The following PRKCA variants were observed in gnomAD, a reference collection of about 807,000 sequenced individuals.
The protein encoded by PRKCA is protein kinase C alpha, also known as protein kinase C alpha type.
Under a neutral mutation model 87.0 loss-of-function variants are expected in PRKCA, and 27 were observed. The ratio of observed to expected loss-of-function variants is 0.31; its 90% CI spans 0.23 to 0.43. PRKCA has a LOEUF of 0.43. Among genes scored for constraint, PRKCA ranks in the 20% least tolerant of loss-of-function variants. The pLI, the probability that PRKCA is intolerant of heterozygous loss-of-function variation, is 1.00. For missense variants in PRKCA, 518 were observed against 852.3 expected, an observed-to-expected ratio of 0.61 and a Z score of 4.88; for synonymous variants, 329 against 311.1, an observed-to-expected ratio of 1.06 and a Z score of -0.61.
chr17:66,514,843 A>G (rs1966914128), intron 3 of PRKCA, among the ~76,000 whole-genome samples: 1 of 152,078 alleles, frequency 6.6e-6, no homozygotes, highest in South Asian at 2.1e-4. Flanking sequence ...CCAGAACCAT[A>G]TCATGTAGCC....
intron 15 of PRKCA, among the ~76,000 whole-genome samples, chr17:66,787,785 A>C (rs979956499): frequency 6.6e-6 from 1 of 151,990 alleles, no homozygotes; most frequent in Non-Finnish European, 1.5e-5. Flanking sequence ...ACTCTGCACA[A>C]ACTGAACCTT....
chr17:66,587,871 G>GTA (rs1969663097), intron 3 of PRKCA, among the ~76,000 whole-genome samples: 9 of 36,942 alleles, frequency 2.4e-4, no homozygotes, highest in Non-Finnish European at 5.4e-4. Context: ...ACATATGTAT[G>GTA]TGTGTGTGTG....
rs773393300 is a variant in PRKCA, at chr17:66,742,779, G to A, written c.1524+19G>A. Reference sequence around the variant, plus strand: ...CCCAGAGGTAGGAACCCCAGTGATCGTTTTCTCAACCAGGACTCCCAAACT... The same window carrying A: ...CCCAGAGGTAGGAACCCCAGTGATCATTTTCTCAACCAGGACTCCCAAACT... On this transcript the variant is annotated intron_variant, in intron 13 of 16. Transcript: ENST00000413366. 32 of 1,610,624 alleles carry A rather than the reference G, an allele frequency of 2.0e-5. No homozygotes were observed. Among genetic ancestry groups the A allele is most frequent in the East Asian group, 4.5e-5 (2 of 44,882 alleles).
intron 2 of PRKCA, among the ~76,000 whole-genome samples, chr17:66,323,119 T>G (rs1054713801): frequency 3.3e-5 from 5 of 152,338 alleles, no homozygotes; most frequent in African/African-American, 1.2e-4. Context: ...TTTTAAATGA[T>G]CACTTCCTCC....
chr17:66,482,177 A>G (rs540092033), intron 2 of PRKCA, among the ~76,000 whole-genome samples: 3 of 152,204 alleles, frequency 2.0e-5, no homozygotes, highest in African/African-American at 7.2e-5. Flanking sequence ...AAAGACTAGA[A>G]GGATACATGT....
intron 5 of PRKCA, among the ~76,000 whole-genome samples, chr17:66,680,769 G>GT (rs1972468102): frequency 6.6e-6 from 1 of 152,010 alleles, no homozygotes; most frequent in Non-Finnish European, 1.5e-5. Flanking sequence ...CACCCTCAGA[G>GT]TGAAATTAAA....
intron 8 of PRKCA, among the ~76,000 whole-genome samples, chr17:66,695,228 G>A (rs1015770538): frequency 1.5e-4 from 23 of 152,296 alleles, no homozygotes. Context: ...AGCCAGAAGG[G>A]CAAATAACCC....
intron 5 of PRKCA, among the ~76,000 whole-genome samples, chr17:66,653,367 G>A (rs1403660782): frequency 6.6e-6 from 1 of 152,144 alleles, no homozygotes. Context: ...GCTGAGGCAG[G>A]AGGATCTCTT....
In PRKCA at chr17:66,645,490, G is replaced by T; in HGVS notation, c.508G>T (p.Asp170Tyr). 1 of 1,614,200 alleles carries T rather than the reference G, an allele frequency of 6.2e-7. No homozygotes were observed. The highest frequency in any genetic ancestry group is 8.5e-7 in the Non-Finnish European group (1 of 1,180,040). The change falls in exon 5 of 17, where the codon GAT becomes TAT. Residue 170 changes from aspartate (D) to tyrosine (Y), a missense_variant. Coordinates refer to ENST00000413366, the MANE Select transcript of PRKCA (RefSeq NM_002737.3). ...GATTTACCTAAAGGCTGAGGTTGCTGATGAAAAGCTCCATGTCACAGGTAA... is the reference window on the plus strand; with the variant it reads ...GATTTACCTAAAGGCTGAGGTTGCTTATGAAAAGCTCCATGTCACAGGTAA... The part of the protein sequence containing the change: ...GRIYLKAEVA[D>Y]EKLHVTVRDA...
intron 3 of PRKCA, among the ~76,000 whole-genome samples, chr17:66,506,456 T>TGAAG (rs1226376629): frequency 1.3e-5 from 2 of 152,162 alleles, no homozygotes; most frequent in Admixed American, 6.5e-5. Context: ...GCCGAGTGCC[T>TGAAG]GATACAGGGC....
intron 2 of PRKCA, among the ~76,000 whole-genome samples, chr17:66,384,280 T>G (rs1031488312): frequency 1.3e-4 from 20 of 152,194 alleles, no homozygotes; most frequent in Non-Finnish European, 2.4e-4. Context: ...TTACTTGACT[T>G]TGAAGGCTTG....
Position 66,549,373 on chromosome 17 carries a change from G to A in PRKCA, c.288+53090G>A, listed in dbSNP as rs574454044. Among the ~76,000 whole-genome samples, 4 of 152,246 alleles carry A rather than the reference G, an allele frequency of 2.6e-5. No individual in the cohort carries two copies. In the East Asian group the frequency reaches 7.7e-4, roughly 29 times the overall value. ...TTGCTTCTGTGACTGATAACAGGGT[G>A]GGTGGATACCAGCCAGGGTCTGGTG... On this transcript the variant is annotated intron_variant, in intron 3 of 16. Coordinates refer to ENST00000413366, the MANE Select transcript of PRKCA (RefSeq NM_002737.3).
At chr17:66,420,483 A>G (rs764196887) in intron 2 of PRKCA, among the ~76,000 whole-genome samples, 1 of 152,130 alleles carries the variant, frequency 6.6e-6, no homozygotes, top group Non-Finnish European at 1.5e-5. Flanking sequence ...TACCTGTACG[A>G]CCATTCTGTT....
chr17:66,463,906 G>T (rs1231973594), intron 2 of PRKCA, among the ~76,000 whole-genome samples: 1 of 152,140 alleles, frequency 6.6e-6, no homozygotes, highest in Non-Finnish European at 1.5e-5. Context: ...ACAGTTTATG[G>T]AAGAGTTCAT....
chr17:66,675,399 A>G (rs1008069742), intron 5 of PRKCA, among the ~76,000 whole-genome samples: 25 of 152,152 alleles, frequency 1.6e-4, no homozygotes, highest in Non-Finnish European at 2.8e-4. Flanking sequence ...AGGAGGCACA[A>G]ACATTCAGAC....
At chr17:66,408,357 G>A (rs1443838530) in intron 2 of PRKCA, among the ~76,000 whole-genome samples, 4 of 152,152 alleles carry the variant, frequency 2.6e-5, no homozygotes, top group South Asian at 4.1e-4. Flanking sequence ...GTATAATTTA[G>A]AGAACTGCAT....
chr17:66,704,185 G>T (rs937542585), intron 8 of PRKCA, among the ~76,000 whole-genome samples: 4 of 150,900 alleles, frequency 2.7e-5, no homozygotes, highest in African/African-American at 9.8e-5. Flanking sequence ...ACAGGAATAG[G>T]TTAAGTTCAG....
chr17:66,625,022 C>G (rs1395471281), intron 3 of PRKCA, among the ~76,000 whole-genome samples: 1 of 152,184 alleles, frequency 6.6e-6, no homozygotes, highest in Non-Finnish European at 1.5e-5. Flanking sequence ...TGGGCTGGAT[C>G]ACGAATTTTC....
At chr17:66,579,205 T>G (rs1317874591) in intron 3 of PRKCA, among the ~76,000 whole-genome samples, 1 of 152,148 alleles carries the variant, frequency 6.6e-6, no homozygotes, top group Non-Finnish European at 1.5e-5. Context: ...ATCAAGCTAG[T>G]CATCACGACC....
Sources: allele counts gnomAD v4.1 joint callset (sites outside exome capture counted in the v4.1 genomes callset), GRCh38; gene constraint gnomAD v4.1.1; transcripts MANE v1.5; gene names NCBI Gene and HGNC (gene_info 2026-07-23, HGNC 2026-07-21).